PUDP: variants seen among roughly 807,000 people sequenced by gnomAD.
PUDP encodes the protein pseudouridine 5'-phosphatase.
A neutral mutation model predicts 9.4 loss-of-function variants in PUDP; 8 were observed. That is an observed-to-expected ratio of 0.85 (90% CI 0.50 to 1.53). The LOEUF (loss-of-function observed/expected upper bound fraction) is 1.53. Among genes scored for constraint, PUDP ranks in the 40% most tolerant of loss-of-function variants. The pLI, the probability that PUDP is intolerant of heterozygous loss-of-function variation, is 0.00. For missense variants in PUDP, 188 were observed against 189.7 expected (o/e 0.99, Z 0.05); for synonymous variants, 99 against 80.7 (o/e 1.23, Z -1.22).
chrX:6,756,962 C>T (rs1925175658), intron 3 of PUDP, among the ~76,000 whole-genome samples: 1 of 112,043 alleles, frequency 8.9e-6, no homozygotes, highest in African/African-American at 3.2e-5. Flanking sequence ...GGGATACGGA[C>T]AAGGTATAGT....
intron 3 of PUDP, among the ~76,000 whole-genome samples, chrX:6,842,464 C>T (rs1481313018): frequency 9.0e-6 from 1 of 111,514 alleles, no homozygotes; most frequent in East Asian, 2.8e-4. Context: ...TTATTAAAAA[C>T]AAGACCCAAG....
intron 3 of PUDP, among the ~76,000 whole-genome samples, chrX:6,908,350 A>T (rs768686607): frequency 9.8e-5 from 11 of 112,404 alleles, no homozygotes; most frequent in Non-Finnish European, 1.9e-4. Context: ...TCTGATGCCA[A>T]TTGCAAGCTC....
intron 3 of PUDP, among the ~76,000 whole-genome samples, chrX:6,755,559 C>T (rs940191743): frequency 9.0e-6 from 1 of 111,697 alleles, no homozygotes; most frequent in Non-Finnish European, 1.9e-5. Flanking sequence ...ATGCTCTCAT[C>T]AATAATATAT....
intron 1 of PUDP, among the ~76,000 whole-genome samples, chrX:7,003,741 T>C (rs937997800): frequency 4.5e-5 from 5 of 111,656 alleles, no homozygotes; most frequent in African/African-American, 1.3e-4. Context: ...AGCGTTGTGG[T>C]TGGGAAAGAG....
chrX:7,119,417 T>A (rs754978460), intron 1 of PUDP, among the ~76,000 whole-genome samples: 5 of 112,558 alleles, frequency 4.4e-5, no homozygotes, highest in African/African-American at 9.7e-5. Context: ...TGCTTTCTCG[T>A]GTTTAGGAAT....
At chrX:6,798,305 A>T (rs1465868395) in intron 3 of PUDP, among the ~76,000 whole-genome samples, 1 of 111,717 alleles carries the variant, frequency 9.0e-6, no homozygotes, top group Admixed American at 9.5e-5. Context: ...CTATGAGAAT[A>T]GTATGGGGGA....
chrX:6,742,283 C>T (rs1461367443), intron 3 of PUDP, among the ~76,000 whole-genome samples: 1 of 112,421 alleles, frequency 8.9e-6, no homozygotes, highest in African/African-American at 3.3e-5. Flanking sequence ...GGCCAAGGTC[C>T]CCAAATCACT....
chrX:7,080,843 T>C lies in PUDP; in HGVS notation c.281-3394A>G, dbSNP rs771368161. On this transcript the variant is annotated intron_variant, in intron 2 of 3. Coordinates refer to ENST00000381077, the MANE Select transcript of PUDP (RefSeq NM_012080.5). ...CAGAGGCAGGAGAATCGCTTGAACC[T>C]AGGAAGTGGAGGTTGCAGTGAGCCG... Among the ~76,000 whole-genome samples the C allele has an allele frequency of 2.8e-5, 3 of 105,915 alleles. No homozygotes were observed. In the South Asian group the frequency reaches 1.3e-3, roughly 46 times the overall value. The allele number at this position is 105,915 out of a possible 115,157, so 92.0% of individuals were successfully genotyped here. A position where few individuals can be genotyped will look rare whatever the true frequency, so the allele number is the denominator to read the frequency against.
chrX:7,119,215 A>T (rs1932273747), intron 1 of PUDP, among the ~76,000 whole-genome samples: 1 of 112,845 alleles, frequency 8.9e-6, no homozygotes, highest in Non-Finnish European at 1.9e-5. Context: ...TGATGAGAAC[A>T]TCAAATGATG....
At chrX:6,778,059 G>A (rs1392820485) in intron 3 of PUDP, among the ~76,000 whole-genome samples, 1 of 111,969 alleles carries the variant, frequency 8.9e-6, no homozygotes. Flanking sequence ...ATTTTGAAAA[G>A]ACTATTCCGA....
intron 3 of PUDP, among the ~76,000 whole-genome samples, chrX:6,923,541 T>C (rs1259183366): frequency 9.0e-6 from 1 of 111,727 alleles, no homozygotes; most frequent in East Asian, 2.8e-4. Context: ...GATCCTTGGG[T>C]CAGTGCTTTC....
At chrX:6,789,841 ATAGAT>A (rs1171426097) in intron 3 of PUDP, among the ~76,000 whole-genome samples, 1 of 86,187 alleles carries the variant, frequency 1.2e-5, no homozygotes, top group Non-Finnish European at 2.2e-5. Context: ...ATAGAGATAG[ATAGAT>A]TATAGAGAAA....
intron 3 of PUDP, among the ~76,000 whole-genome samples, chrX:6,774,812 T>C (rs1925422196): frequency 8.9e-6 from 1 of 112,362 alleles, no homozygotes; most frequent in East Asian, 2.8e-4. Context: ...TTGCGACTAT[T>C]GTTTGAAATC....
chrX:6,911,114 C>T (rs1385981080), intron 3 of PUDP, among the ~76,000 whole-genome samples: 1 of 111,672 alleles, frequency 9.0e-6, no homozygotes, highest in Non-Finnish European at 1.9e-5. Flanking sequence ...GTTTTCTCTC[C>T]CTAAATTTTG....
chrX:7,065,703 G>A (rs1930531744), intron 3 of PUDP, among the ~76,000 whole-genome samples: 1 of 112,239 alleles, frequency 8.9e-6, no homozygotes, highest in African/African-American at 3.2e-5. Flanking sequence ...AACATGTCCA[G>A]GGGTGGGAGA....
At chrX:7,086,703 T>C (rs1397899749) in intron 2 of PUDP, among the ~76,000 whole-genome samples, 1 of 112,291 alleles carries the variant, frequency 8.9e-6, no homozygotes, top group Non-Finnish European at 1.9e-5. Flanking sequence ...TGCTTGCTGC[T>C]AGGGAGAGGG....
intron 3 of PUDP, among the ~76,000 whole-genome samples, chrX:7,056,241 C>A (rs949491352): frequency 2.7e-5 from 3 of 112,331 alleles, no homozygotes; most frequent in African/African-American, 9.7e-5. Context: ...TGGTGGGTTG[C>A]TCCTTTGAGG....
intron 3 of PUDP, among the ~76,000 whole-genome samples, chrX:6,970,076 AAAAGGCAGAT>A (rs1928849103): frequency 1.8e-5 from 2 of 112,193 alleles, no homozygotes; most frequent in Admixed American, 9.5e-5. Flanking sequence ...ATAAACTTAC[AAAAGGCAGAT>A]AAATAGGAGA....
intron 3 of PUDP, among the ~76,000 whole-genome samples, chrX:7,065,448 G>C (rs191208153): frequency 9.8e-5 from 11 of 112,470 alleles, no homozygotes; most frequent in Admixed American, 2.8e-4. Flanking sequence ...AAGTAAGCCA[G>C]AGCCTTGGGG....
Sources: gnomAD v4.1 joint callset for allele counts (sites outside exome capture counted in the v4.1 genomes callset) on GRCh38, gnomAD v4.1.1 for gene constraint, MANE v1.5 for transcripts, NCBI Gene and HGNC (gene_info 2026-07-23, HGNC 2026-07-21) for gene names.